Variants in RPH3AL observed in about 807,000 individuals in gnomAD.
The protein encoded by RPH3AL is rabphilin 3A like (without C2 domains), also known as rab effector Noc2.
A neutral mutation model predicts 43.1 loss-of-function variants in RPH3AL; 38 were observed. The ratio of observed to expected loss-of-function variants is 0.88; its 90% confidence interval spans 0.68 to 1.15. The LOEUF is 1.15. Ranked by LOEUF, RPH3AL falls within the 50% of genes most tolerant of loss-of-function variation. RPH3AL has a pLI of 0.00. For synonymous variants in RPH3AL, 189 were observed against 176.3 expected (o/e 1.07, Z -0.57); for missense variants, 462 against 423.2 (o/e 1.09, Z -0.81).
At chr17:243,082 TATTG>T (rs1374683720) in intron 7 of RPH3AL, among the ~76,000 whole-genome samples, 26 of 137,732 alleles carry the variant, frequency 1.9e-4, no homozygotes, top group African/African-American at 5.7e-4. Context: ...TACCTTCCTC[TATTG>T]ATTACCTTTC....
intron 5 of RPH3AL, among the ~76,000 whole-genome samples, chr17:314,497 T>G (rs1249706652): frequency 8.3e-6 from 1 of 120,840 alleles, no homozygotes; most frequent in Admixed American, 8.5e-5. Context: ...GTAGTCCCTA[T>G]ACTCCACGTC....
intron 5 of RPH3AL, among the ~76,000 whole-genome samples, chr17:304,650 A>G (rs55857427): frequency 0.98 from 149,642 of 152,106 alleles, 73,658 homozygotes; most frequent in East Asian, 1. Context: ...GGCCCGAACC[A>G]GCCGGAGGCC....
At chr17:262,834 A>G (rs782019472) in intron 6 of RPH3AL, among the ~76,000 whole-genome samples, 4 of 152,096 alleles carry the variant, frequency 2.6e-5, no homozygotes, top group Non-Finnish European at 5.9e-5. Context: ...CTATGCCACA[A>G]AGCCTGCAGG....
chr17:267,501 C>A (rs555860142), intron 6 of RPH3AL, among the ~76,000 whole-genome samples: 1 of 152,336 alleles, frequency 6.6e-6, no homozygotes, highest in Non-Finnish European at 1.5e-5. Flanking sequence ...AACAAATGTG[C>A]CTGTGTTTAA....
chr17:238,306 G>A (rs961153357), intron 7 of RPH3AL, among the ~76,000 whole-genome samples: 4 of 151,826 alleles, frequency 2.6e-5, no homozygotes, highest in Admixed American at 6.6e-5. Flanking sequence ...AAAATGAAAC[G>A]AAACTCCAGA....
At chr17:250,319 TTTACC>T (rs1485851081) in intron 6 of RPH3AL, among the ~76,000 whole-genome samples, 3 of 91,802 alleles carry the variant, frequency 3.3e-5, no homozygotes, top group Non-Finnish European at 4.8e-5. Flanking sequence ...TCTCAGAGCC[TTTACC>T]AAGCTCCGTC....
At position 345,577 on chromosome 17, in the gene RPH3AL, T is replaced by C. The variant is rs533167329; in HGVS notation, c.-213+7135A>G. ...AGTCCTGGGGCAAGTGAGAGGAGGC[T>C]AGGAGCAGTGCCCTGAGGCTGAGAA... On this transcript the variant is annotated intron_variant, in intron 1 of 9. Coordinates refer to ENST00000331302, the MANE Select transcript of RPH3AL (RefSeq NM_006987.4). Among the ~76,000 whole-genome samples, 61 of 134,392 alleles carry C rather than the reference T, an allele frequency of 4.5e-4. 14 individuals carry two copies. The highest frequency in any genetic ancestry group is 1.7e-3 in the South Asian group (7 of 4,070). The allele number at this position is 134,392 out of a possible 152,430, so 88.2% of individuals were successfully genotyped here. A position where few individuals can be genotyped will look rare whatever the true frequency, so the allele number is the denominator to read the frequency against.
rs78031193 is a variant in RPH3AL, at chr17:306,738, G to A, written c.351+12682C>T. On this transcript the variant is annotated intron_variant, in intron 5 of 9. Coordinates refer to ENST00000331302, the MANE Select transcript of RPH3AL (RefSeq NM_006987.4). ...TACAGGACACAAGCCCAGCCCCTGC[G>A]CCCGGCACACAGAGTCCTCCCGATC... 5.9e-4 allele frequency: 91 copies of A among 153,088 alleles called. No individual in the cohort carries two copies. The East Asian group carries it at 0.011, about 18-fold the overall frequency. The allele number at this position is 153,088 out of a possible 1,614,324, so 9.5% of individuals were successfully genotyped here.
intron 6 of RPH3AL, among the ~76,000 whole-genome samples, chr17:256,255 C>T (rs1413421305): frequency 7.6e-5 from 7 of 92,664 alleles, no homozygotes; most frequent in African/African-American, 1.3e-4. Flanking sequence ...TGAGGGGAGC[C>T]GCACGGCGTC....
chr17:237,639 G>T (rs1195045237), intron 7 of RPH3AL, among the ~76,000 whole-genome samples: 3 of 152,234 alleles, frequency 2.0e-5, no homozygotes, highest in Admixed American at 1.3e-4. Context: ...CAGGGCTTTT[G>T]ATGGTGCTGG....
At chr17:311,539 T>C (rs2043646861) in intron 5 of RPH3AL, among the ~76,000 whole-genome samples, 1 of 152,230 alleles carries the variant, frequency 6.6e-6, no homozygotes, top group Admixed American at 6.5e-5. Flanking sequence ...TAGAGAATAC[T>C]GTCTGCCCAT....
chr17:269,100 G>T (rs573609353), intron 6 of RPH3AL, among the ~76,000 whole-genome samples: 6 of 152,088 alleles, frequency 3.9e-5, no homozygotes, highest in South Asian at 2.1e-4. Context: ...GGATGGTCTC[G>T]ATCTCCTGAC....
chr17:324,527 G>A (rs1267493701), intron 3 of RPH3AL, among the ~76,000 whole-genome samples: 1 of 152,158 alleles, frequency 6.6e-6, no homozygotes, highest in Non-Finnish European at 1.5e-5. Flanking sequence ...TCCCCGCACG[G>A]CGCCCTCGTC....
intron 5 of RPH3AL, among the ~76,000 whole-genome samples, chr17:285,585 C>A (rs2042887816): frequency 6.6e-6 from 1 of 152,200 alleles, no homozygotes; most frequent in Non-Finnish European, 1.5e-5. Context: ...TAAGTGCAAA[C>A]TGATTGTGAT....
intron 6 of RPH3AL, among the ~76,000 whole-genome samples, chr17:272,197 T>C (rs906887989): frequency 4.6e-5 from 7 of 152,170 alleles, no homozygotes; most frequent in East Asian, 1.9e-4. Flanking sequence ...GACAGTGTGG[T>C]GATTCCTCAG....
intron 4 of RPH3AL, among the ~76,000 whole-genome samples, chr17:320,641 C>T (rs530386687): frequency 6.6e-6 from 1 of 151,470 alleles, no homozygotes; most frequent in South Asian, 2.1e-4. Flanking sequence ...CCTGTCCCCC[C>T]CAAAAAAAAA....
rs60344729 is a variant in RPH3AL at position 302,027 on chromosome 17, T to C, written c.351+17393A>G. Among the ~76,000 whole-genome samples, 825 of 152,324 alleles carry C rather than the reference T, an allele frequency of 5.4e-3. 6 individuals carry two copies. Among genetic ancestry groups the C allele is most frequent in the African/African-American group, 0.019 (779 of 41,578 alleles). On this transcript the variant is annotated intron_variant, in intron 5 of 9. Coordinates refer to ENST00000331302, the MANE Select transcript of RPH3AL (RefSeq NM_006987.4). The stretch of plus-strand genomic sequence containing the variant: ...TCCCGCTCAGAGGGCACAGACTCAC[T>C]ACGGCCTGAGCCAAAGCGAACTGGG...
chr17:294,449 G>A (rs917994903), intron 5 of RPH3AL, among the ~76,000 whole-genome samples: 2 of 152,234 alleles, frequency 1.3e-5, no homozygotes, highest in African/African-American at 4.8e-5. Context: ...GTGAGACCCA[G>A]ACTCGAATTT....
rs565331689 is a variant in RPH3AL, at chr17:290,375, G to A, written c.352-8521C>T. Among the ~76,000 whole-genome samples the A allele has an allele frequency of 9.9e-5, 15 of 151,860 alleles. No individual in the cohort carries two copies. The South Asian group carries it at 1.0e-3, about 11-fold the overall frequency. ...GCCCGGCCACAGGGGAAATGACTCC[G>A]GGAATCCTTCACTGAGGGTGGGAAG... On this transcript the variant is annotated intron_variant, in intron 5 of 9. Transcript: ENST00000331302. This position sits in a 1 kb window ranked among gnomAD's most constrained non-coding sequence, Gnocchi z 4.2.
Sources: gnomAD v4.1 joint callset for allele counts (sites outside exome capture counted in the v4.1 genomes callset) on GRCh38, gnomAD v4.1.1 for gene constraint, Gnocchi (gnomAD v3.1) non-coding constraint, MANE v1.5 for transcripts, NCBI Gene and HGNC (gene_info 2026-07-23, HGNC 2026-07-21) for gene names.